The following BARD1 variants were observed in gnomAD, a reference collection of about 807,000 sequenced individuals.
The protein encoded by BARD1 is BRCA1-associated RING domain protein 1.
A neutral mutation model predicts 77.0 loss-of-function variants in BARD1; 73 were observed. That is an observed-to-expected ratio of 0.95 (90% CI 0.79 to 1.15). BARD1 has a LOEUF of 1.15. Ranked by LOEUF, BARD1 falls within the 50% of genes most tolerant of loss-of-function variation. The pLI, the probability that BARD1 is intolerant of heterozygous loss-of-function variation, is 0.00. For synonymous variants in BARD1, 384 were observed against 338.0 expected (o/e 1.14, Z -1.49); for missense variants, 993 against 938.8 (o/e 1.06, Z -0.75).
At chr2:214,752,757 G>C (rs1477285385) in intron 6 of BARD1, among the ~76,000 whole-genome samples, 1 of 152,092 alleles carries the variant, frequency 6.6e-6, no homozygotes, top group Non-Finnish European at 1.5e-5. Context: ...TATAGGGATT[G>C]TTTTTACTGA....
intron 4 of BARD1, among the ~76,000 whole-genome samples, chr2:214,775,816 C>T (rs1381024390): frequency 1.3e-5 from 2 of 152,176 alleles, no homozygotes; most frequent in East Asian, 3.8e-4. Flanking sequence ...AAAATAGATA[C>T]TGACTCCAGG....
intron 9 of BARD1, among the ~76,000 whole-genome samples, chr2:214,737,115 C>T (rs527407513): frequency 3.9e-5 from 6 of 151,990 alleles, no homozygotes; most frequent in Admixed American, 2.0e-4. Context: ...TCAAGGATTG[C>T]GACTCAAATG....
At chr2:214,741,152 G>C (rs1692807210) in intron 9 of BARD1, among the ~76,000 whole-genome samples, 1 of 152,026 alleles carries the variant, frequency 6.6e-6, no homozygotes, top group Non-Finnish European at 1.5e-5. Context: ...CCATCTCACA[G>C]ACATAAATCC....
At chr2:214,747,284 G>A (rs1693169805) in intron 7 of BARD1, among the ~76,000 whole-genome samples, 1 of 151,284 alleles carries the variant, frequency 6.6e-6, no homozygotes, top group African/African-American at 2.4e-5. Flanking sequence ...CAACCTTTGT[G>A]GAAGTCAGTG....
At chr2:214,777,557 T>G (rs974236521) in intron 4 of BARD1, among the ~76,000 whole-genome samples, 10 of 152,190 alleles carry the variant, frequency 6.6e-5, no homozygotes, top group African/African-American at 2.4e-4. Flanking sequence ...TTTAGGCCAC[T>G]TGAAATCCTT....
At chr2:214,743,512 T>C (rs1009242839) in intron 9 of BARD1, among the ~76,000 whole-genome samples, 18 of 152,204 alleles carry the variant, frequency 1.2e-4, no homozygotes, top group Non-Finnish European at 2.6e-4. Flanking sequence ...AATGTTAACA[T>C]CTAACACCGC....
chr2:214,730,537 C>G (rs1213571939), intron 9 of BARD1, 29 bp from the exon 10 acceptor site: 2 of 1,566,304 alleles, frequency 1.3e-6, no homozygotes, highest in Non-Finnish European at 1.8e-6. Context: ...TTAAAGCAAA[C>G]TAAGTATCAA....
At chr2:214,765,403 C>T (rs1244747205) in intron 6 of BARD1, among the ~76,000 whole-genome samples, 1 of 152,160 alleles carries the variant, frequency 6.6e-6, no homozygotes, top group Non-Finnish European at 1.5e-5. Flanking sequence ...TGTTTTGGCT[C>T]ATTAATCCTC....
intron 7 of BARD1, among the ~76,000 whole-genome samples, chr2:214,750,934 T>C (rs1042530697): frequency 7.9e-5 from 12 of 151,584 alleles, no homozygotes; most frequent in African/African-American, 2.7e-4. Context: ...CTATCCTGCA[T>C]TGGGATTAAT....
chr2:214,737,277 A>G (rs982593060), intron 9 of BARD1, among the ~76,000 whole-genome samples: 2 of 152,130 alleles, frequency 1.3e-5, no homozygotes, highest in African/African-American at 4.8e-5. Context: ...CAGCCCTCAG[A>G]GTCCTCAGCC....
In BARD1 at chr2:214,780,922, T is replaced by C. The variant is rs565582076; in HGVS notation, c.952A>G (p.Asn318Asp). ...LTSKKSLPLE[N>D]NGKRGHHNRL... ...TTGTGATGGCCACGTTTTCCATTAT[T>C]TTCTAATGGCAAAGATTTCTTAGAT... The change falls in exon 4 of 11, where the codon AAT becomes GAT. Residue 318 changes from asparagine to aspartate, a missense_variant. By Grantham distance (23) the Asn-to-Asp change is conservative. Coordinates refer to ENST00000260947, the MANE Select transcript of BARD1 (RefSeq NM_000465.4). 3 of 1,614,048 alleles carry C rather than the reference T, an allele frequency of 1.9e-6. No individual in the cohort carries two copies. Among genetic ancestry groups the C allele is most frequent in the South Asian group, 2.2e-5 (2 of 91,076 alleles).
intron 3 of BARD1, 69 bp downstream of exon 3, chr2:214,792,228 C>T (rs1206247830): frequency 2.9e-6 from 4 of 1,401,044 alleles, no homozygotes; most frequent in Non-Finnish European, 4.0e-6. Context: ...GTTTTATATA[C>T]TTTATGAATA....
intron 9 of BARD1, among the ~76,000 whole-genome samples, chr2:214,731,344 G>C (rs933700567): frequency 3.9e-5 from 6 of 152,102 alleles, no homozygotes; most frequent in African/African-American, 1.4e-4. Flanking sequence ...GGAACCCTTG[G>C]GATTCCCAGG....
At position 214,753,253 on chromosome 2, in the gene BARD1, C is replaced by T. The variant is rs188841995; in HGVS notation, c.1569-698G>A. ...AATGGCTTAACTAAGGTCATATTCT[C>T]CTTGTTCAATTTCACTGAAATTAAA... On this transcript the variant is annotated intron_variant, in intron 6 of 10. Coordinates refer to ENST00000260947, the MANE Select transcript of BARD1 (RefSeq NM_000465.4). 2.6e-5 allele frequency among the ~76,000 whole-genome samples: 4 copies of T among 152,194 alleles called. No homozygotes were observed. The East Asian group carries it at 7.7e-4, about 29-fold the overall frequency.
At chr2:214,804,900 C>T (rs1022945968) in intron 1 of BARD1, among the ~76,000 whole-genome samples, 2 of 152,306 alleles carry the variant, frequency 1.3e-5, no homozygotes, top group South Asian at 2.1e-4. Flanking sequence ...TGGTGGCTCA[C>T]GCCTGTAATC....
intron 4 of BARD1, among the ~76,000 whole-genome samples, chr2:214,769,541 A>G (rs1353622366): frequency 6.6e-6 from 1 of 152,188 alleles, no homozygotes; most frequent in Non-Finnish European, 1.5e-5. Context: ...CAGGAGTTTG[A>G]GACCAGCCTG....
In BARD1 at chr2:214,781,320, G is replaced by A. The variant is rs927697548; in HGVS notation, c.554C>T (p.Pro185Leu). ...AQQDSYEFVS[P>L]SPPADVSERA... is the part of the protein sequence containing the mutation. Reference sequence around the variant, plus strand: ...CTCAGAAACATCTGCAGGAGGACTTGGGGAAACAAATTCATATGAGTCTTG... The same window carrying A: ...CTCAGAAACATCTGCAGGAGGACTTAGGGAAACAAATTCATATGAGTCTTG... The change falls in exon 4 of 11, where the codon CCA (proline) becomes CTA (leucine). Residue 185 changes from proline to leucine, a missense_variant. Coordinates refer to ENST00000260947, the MANE Select transcript of BARD1 (RefSeq NM_000465.4). 3.7e-6 allele frequency: 6 copies of A among 1,612,658 alleles called. No homozygotes were observed. Among genetic ancestry groups the A allele is most frequent in the Admixed American group, 1.7e-5 (1 of 59,864 alleles).
At chr2:214,800,352 A>G (rs1402203898) in intron 1 of BARD1, among the ~76,000 whole-genome samples, 1 of 152,168 alleles carries the variant, frequency 6.6e-6, no homozygotes, top group African/African-American at 2.4e-5. Context: ...GGGAGGGAAC[A>G]AGAAGGAAGT....
intron 4 of BARD1, among the ~76,000 whole-genome samples, chr2:214,777,934 C>T (rs1694805616): frequency 6.6e-6 from 1 of 152,210 alleles, no homozygotes; most frequent in Admixed American, 6.5e-5. Flanking sequence ...TATGGTGGCT[C>T]ATGCCTGTAA....
Sources: gnomAD v4.1 joint callset for allele counts (sites outside exome capture counted in the v4.1 genomes callset) on GRCh38, gnomAD v4.1.1 for gene constraint, MANE v1.5 for transcripts, NCBI Gene and HGNC (gene_info 2026-07-23, HGNC 2026-07-21) for gene names.